The following SUSD5 variants were observed in gnomAD, a reference collection of about 807,000 sequenced individuals.
SUSD5 encodes the protein sushi domain containing 5.
A neutral mutation model predicts 29.5 loss-of-function variants in SUSD5; 33 were observed. The ratio of observed to expected loss-of-function variants is 1.12; its 90% CI spans 0.85 to 1.49. The LOEUF (loss-of-function observed/expected upper bound fraction) is 1.49, where lower values mean the gene tolerates loss of function less well. Among genes scored for constraint, SUSD5 ranks in the 40% most tolerant of loss-of-function variants. SUSD5 has a pLI of 0.00. For synonymous variants in SUSD5, 308 were observed against 325.3 expected (o/e 0.95, Z 0.57); for missense variants, 776 against 800.6 (o/e 0.97, Z 0.37).
chr3:33,150,520 G>A lies in SUSD5; in HGVS notation c.*2222C>T, dbSNP rs907976562. The A allele has an allele frequency of 6.6e-6, 1 of 152,124 alleles. No individual in the cohort carries two copies. The highest frequency in any genetic ancestry group is 1.5e-5 in the Non-Finnish European group (1 of 68,026). The allele number at this position is 152,124 out of a possible 1,614,324, so 9.4% of individuals were successfully genotyped here. ...GAAAAGTTATCTTGCAGTAGATTAG[G>A]ATCTAATTTATAAATATATACAGTC... is the stretch of plus-strand genomic sequence containing the variant. On this transcript the variant is annotated 3_prime_UTR_variant, in exon 5 of 5. Transcript: ENST00000309558.
rs1050257655 is a variant in SUSD5 at position 33,214,120 on chromosome 3, G to A, written c.113-15C>T. The A allele has an allele frequency of 1.3e-6, 2 of 1,579,076 alleles. No homozygotes were observed. Among genetic ancestry groups the A allele is most frequent in the Non-Finnish European group, 1.7e-6 (2 of 1,163,338 alleles). On this transcript the variant is annotated splice_polypyrimidine_tract_variant and intron_variant, in intron 1 of 4. Coordinates refer to ENST00000309558, the MANE Select transcript of SUSD5 (RefSeq NM_015551.2). ...AAAGAACTTTCCTGTGTGGGAACAA[G>A]AACAAACACATGTGGATTTCAGGAT...
At chr3:33,189,478 C>CAAAAAAAAAAAAA in intron 3 of SUSD5, among the ~76,000 whole-genome samples, 1 of 91,620 alleles carries the variant, frequency 1.1e-5, no homozygotes, top group Non-Finnish European at 2.0e-5. Flanking sequence ...CTCTCCTTCT[C>CAAAAAAAAAAAAA]AAAAAAAAAA....
intron 4 of SUSD5, 39 bp downstream of exon 4, chr3:33,174,847 C>T: frequency 1.9e-6 from 3 of 1,607,120 alleles, no homozygotes; most frequent in African/African-American, 1.3e-5. Context: ...GCCAGCACTG[C>T]GTGGGCACGC....
intron 1 of SUSD5, among the ~76,000 whole-genome samples, chr3:33,215,625 A>G (rs2032416385): frequency 6.6e-6 from 1 of 152,170 alleles, no homozygotes. Context: ...GTCCGAGATC[A>G]CACAGCAGAG....
At chr3:33,215,951 C>A (rs1207526011) in intron 1 of SUSD5, among the ~76,000 whole-genome samples, 1 of 152,088 alleles carries the variant, frequency 6.6e-6, no homozygotes, top group Non-Finnish European at 1.5e-5. Flanking sequence ...AAAAGTCCCA[C>A]AAAATCAAAT....
Position 33,171,345 on chromosome 3 carries a change from TA to T in SUSD5, c.598+3540del, listed in dbSNP as rs11414073. Among the ~76,000 whole-genome samples, 23 of 148,304 alleles carry T rather than the reference TA, an allele frequency of 1.6e-4. No homozygotes were observed. In the East Asian group the frequency reaches 1.8e-3, roughly 11 times the overall value. ...CTGGCGACAGAGCGAGACTCCTTCT[TA>T]AAAAAAAAAAGGGTATTATGGGCAA... is the stretch of plus-strand genomic sequence containing the variant. On this transcript the variant is annotated intron_variant, in intron 4 of 4. Transcript: ENST00000309558.
At chr3:33,157,189 A>C (rs1428008747) in intron 4 of SUSD5, among the ~76,000 whole-genome samples, 1 of 152,168 alleles carries the variant, frequency 6.6e-6, no homozygotes, top group Non-Finnish European at 1.5e-5. Context: ...TATGTGCTAG[A>C]GTTTGGGATC....
rs1046566977 is a variant in SUSD5, at chr3:33,204,588, T to C, written c.409+3220A>G. Among the ~76,000 whole-genome samples the C allele has an allele frequency of 5.3e-5, 8 of 152,066 alleles. No homozygotes were observed. The highest frequency in any genetic ancestry group is 1.0e-4 in the Non-Finnish European group (7 of 68,028). On this transcript the variant is annotated intron_variant, in intron 3 of 4. Coordinates refer to ENST00000309558, the MANE Select transcript of SUSD5 (RefSeq NM_015551.2). The surrounding 1 kb of genome is among the most constrained non-coding windows in gnomAD (Gnocchi z 4.5). ...CACCCACCTCGGCCTCCCAAAGTGC[T>C]GGGATTACAGGCTTGAGCCACCACA... is the stretch of plus-strand genomic sequence containing the variant.
intron 4 of SUSD5, among the ~76,000 whole-genome samples, chr3:33,166,467 G>A (rs534350342): frequency 6.6e-6 from 1 of 152,138 alleles, no homozygotes; most frequent in African/African-American, 2.4e-5. Context: ...TGGGACTAAT[G>A]TGTTACTCAC....
intron 4 of SUSD5, among the ~76,000 whole-genome samples, chr3:33,160,884 A>C (rs976577197): frequency 6.6e-6 from 1 of 152,222 alleles, no homozygotes; most frequent in Non-Finnish European, 1.5e-5. Flanking sequence ...AGCCATACCA[A>C]ATTAAAACTG....
intron 2 of SUSD5, among the ~76,000 whole-genome samples, chr3:33,209,365 C>A (rs1259901952): frequency 3.3e-5 from 5 of 151,966 alleles, no homozygotes; most frequent in Admixed American, 6.6e-5. Context: ...TACTTTTATT[C>A]TATTTTCTTT....
chr3:33,216,136 T>C (rs1216365379), intron 1 of SUSD5, among the ~76,000 whole-genome samples: 1 of 151,938 alleles, frequency 6.6e-6, no homozygotes, highest in Admixed American at 6.6e-5. Flanking sequence ...AAAGTACCAA[T>C]ATCAAGAATG....
intron 3 of SUSD5, among the ~76,000 whole-genome samples, chr3:33,184,963 G>A (rs904522433): frequency 3.9e-5 from 6 of 152,130 alleles, no homozygotes; most frequent in South Asian, 2.1e-4. Flanking sequence ...AGAATGCCTC[G>A]TAATTTTTGT....
At chr3:33,198,619 C>T (rs1175045551) in intron 3 of SUSD5, among the ~76,000 whole-genome samples, 1 of 152,204 alleles carries the variant, frequency 6.6e-6, no homozygotes, top group East Asian at 1.9e-4. Flanking sequence ...CCAATATTCT[C>T]ACCCCTGTAT....
intron 3 of SUSD5, among the ~76,000 whole-genome samples, chr3:33,191,095 T>C (rs1351465454): frequency 6.6e-6 from 1 of 152,040 alleles, no homozygotes; most frequent in Non-Finnish European, 1.5e-5. Context: ...TACTTTTCTT[T>C]CCTGTGATGC....
chr3:33,171,374 T>C (rs578251586), intron 4 of SUSD5, among the ~76,000 whole-genome samples: 23 of 152,158 alleles, frequency 1.5e-4, no homozygotes, highest in African/African-American at 5.3e-4. Flanking sequence ...ATGGGCAAAT[T>C]AAGGCTCAGA....
intron 1 of SUSD5, 114 bp downstream of exon 1, chr3:33,218,572 G>A (rs1204522682): frequency 4.1e-6 from 4 of 977,158 alleles, no homozygotes; most frequent in Non-Finnish European, 5.4e-6. Context: ...GTTCCTCTCA[G>A]GCTTGCGCTT....
Position 33,207,880 on chromosome 3 carries a change from C to T in SUSD5, c.337G>A (p.Ala113Thr). ...KGSGEQQIMR[A>T]VDVRIESNPV... ...TTGCTCTCAATTCTCACATCGACAG[C>T]TCTCATGATTTGCTGTTCTCCACTT... Residue 113 changes from alanine to threonine, a missense_variant, in exon 3 of 5, where the codon GCT becomes ACT. Physicochemically the swap from Ala to Thr is moderately conservative, Grantham distance 58. Coordinates refer to ENST00000309558, the MANE Select transcript of SUSD5 (RefSeq NM_015551.2). 1.2e-6 allele frequency: 2 copies of T among 1,613,952 alleles called. No individual in the cohort carries two copies. Among genetic ancestry groups the T allele is most frequent in the Non-Finnish European group, 1.7e-6 (2 of 1,179,860 alleles).
chr3:33,197,947 T>C (rs2032025574), intron 3 of SUSD5, among the ~76,000 whole-genome samples: 1 of 152,196 alleles, frequency 6.6e-6, no homozygotes, highest in Admixed American at 6.5e-5. Context: ...CCCATTTTTG[T>C]GTGGTCATAC....
Sources: allele counts gnomAD v4.1 joint callset (sites outside exome capture counted in the v4.1 genomes callset), GRCh38; gene constraint gnomAD v4.1.1; non-coding constraint Gnocchi (gnomAD v3.1); transcripts MANE v1.5; gene names NCBI Gene and HGNC (gene_info 2026-07-23, HGNC 2026-07-21).